SRRM4: variants seen among roughly 807,000 people sequenced by gnomAD.
The protein encoded by SRRM4 is serine/arginine repetitive matrix 4.
Under a neutral mutation model 68.9 loss-of-function variants are expected in SRRM4, and 33 were observed. The ratio of observed to expected loss-of-function variants is 0.48; its 90% CI spans 0.36 to 0.64. The LOEUF (loss-of-function observed/expected upper bound fraction) is 0.64, where lower values mean the gene tolerates loss of function less well. Among genes scored for constraint, SRRM4 ranks in the 30% least tolerant of loss-of-function variants. The pLI is 0.00. For synonymous variants in SRRM4, 318 were observed against 318.8 expected (o/e 1.00, Z 0.03); for missense variants, 817 against 827.1 (o/e 0.99, Z 0.15).
intron 8 of SRRM4, among the ~76,000 whole-genome samples, 193 bp from the exon 9 acceptor site, chr12:119,145,187 TA>T (rs371536458): frequency 4.1e-4 from 62 of 150,400 alleles, no homozygotes; most frequent in African/African-American, 1.1e-3. Flanking sequence ...TAGCAGGGGG[TA>T]AAAAAAAAAT....
chr12:118,986,847 A>G (rs972516421), intron 1 of SRRM4, among the ~76,000 whole-genome samples: 1 of 152,076 alleles, frequency 6.6e-6, no homozygotes, highest in African/African-American at 2.4e-5. Context: ...CCTGGGTCAC[A>G]TGCCTTCTTC....
chr12:119,134,710 T>G (rs546741142), intron 8 of SRRM4, among the ~76,000 whole-genome samples: 1 of 152,292 alleles, frequency 6.6e-6, no homozygotes, highest in African/African-American at 2.4e-5. Context: ...GCCAGCTTCC[T>G]CTGTGGTGGG....
intron 5 of SRRM4, 74 bp downstream of exon 5, chr12:119,120,350 GC>G (rs1278594415): frequency 4.0e-6 from 6 of 1,503,524 alleles, no homozygotes; most frequent in Admixed American, 2.1e-5. Context: ...TTCTAGGTCA[GC>G]CCTCAGTTTC....
intron 1 of SRRM4, among the ~76,000 whole-genome samples, chr12:119,087,955 T>C (rs535849884): frequency 6.6e-5 from 10 of 152,272 alleles, no homozygotes; most frequent in East Asian, 5.8e-4. Flanking sequence ...CTCAAGAGTT[T>C]ACTATGGGAC....
chr12:119,065,249 G>T (rs1338388644), intron 1 of SRRM4, among the ~76,000 whole-genome samples: 2 of 152,092 alleles, frequency 1.3e-5, no homozygotes, highest in Non-Finnish European at 2.9e-5. Context: ...TTCTCACATT[G>T]GTTGGGAACA....
chr12:119,024,003 C>CT (rs5801310), intron 1 of SRRM4, among the ~76,000 whole-genome samples: 22,253 of 152,194 alleles, frequency 0.15, 1,699 homozygotes, highest in East Asian at 0.26. Flanking sequence ...TCATTGTACT[C>CT]TTGGCTTTTC....
At chr12:119,040,271 A>G (rs1953658156) in intron 1 of SRRM4, among the ~76,000 whole-genome samples, 1 of 151,764 alleles carries the variant, frequency 6.6e-6, no homozygotes, top group Non-Finnish European at 1.5e-5. Context: ...TTTAGTGGTG[A>G]TTTGTGAGAT....
At chr12:118,998,679 A>T (rs1953364820) in intron 1 of SRRM4, among the ~76,000 whole-genome samples, 1 of 152,268 alleles carries the variant, frequency 6.6e-6, no homozygotes, top group African/African-American at 2.4e-5. Context: ...AGGCTAAAGA[A>T]GCTGGTCCAT....
At chr12:119,139,092 T>C (rs1317187016) in intron 8 of SRRM4, among the ~76,000 whole-genome samples, 1 of 152,078 alleles carries the variant, frequency 6.6e-6, no homozygotes. Flanking sequence ...TCTTCAAAGA[T>C]GAATTATGAG....
chr12:119,048,152 A>G (rs1012862942), intron 1 of SRRM4, among the ~76,000 whole-genome samples: 1 of 152,190 alleles, frequency 6.6e-6, no homozygotes, highest in African/African-American at 2.4e-5. Flanking sequence ...CCTGTGAAAC[A>G]AGAATTAGAA....
intron 1 of SRRM4, among the ~76,000 whole-genome samples, chr12:119,070,008 G>A (rs1341661687): frequency 1.3e-5 from 2 of 152,090 alleles, no homozygotes; most frequent in Admixed American, 1.3e-4. Context: ...TTAGGGGCCG[G>A]GGGCACTGCT....
chr12:119,109,100 TG>T (rs1954126273), intron 2 of SRRM4, among the ~76,000 whole-genome samples: 1 of 152,194 alleles, frequency 6.6e-6, no homozygotes, highest in Non-Finnish European at 1.5e-5. Flanking sequence ...TGGCTGGATA[TG>T]AAATTCTGGG....
At chr12:118,995,938 A>G (rs773609842) in intron 1 of SRRM4, among the ~76,000 whole-genome samples, 1 of 152,098 alleles carries the variant, frequency 6.6e-6, no homozygotes, top group African/African-American at 2.4e-5. Flanking sequence ...TCACCCATCC[A>G]TCTATTTTCC....
At chr12:119,112,941 A>G (rs532487608) in intron 2 of SRRM4, among the ~76,000 whole-genome samples, 1 of 152,276 alleles carries the variant, frequency 6.6e-6, no homozygotes, top group Non-Finnish European at 1.5e-5. Flanking sequence ...ACATCCTGCA[A>G]ATGTAGCCCG....
intron 8 of SRRM4, among the ~76,000 whole-genome samples, chr12:119,142,549 G>A (rs1000920421): frequency 1.4e-4 from 21 of 152,308 alleles, no homozygotes; most frequent in East Asian, 5.8e-4. Context: ...AATGAAATTC[G>A]TAGTCAAGAC....
chr12:119,030,610 C>T (rs1356178405), intron 1 of SRRM4, among the ~76,000 whole-genome samples: 3 of 152,252 alleles, frequency 2.0e-5, no homozygotes, highest in South Asian at 2.1e-4. Flanking sequence ...TATCTGCAGT[C>T]TTTTTCTCTA....
intron 3 of SRRM4, among the ~76,000 whole-genome samples, chr12:119,116,025 A>T (rs976295931): frequency 1.3e-5 from 2 of 150,728 alleles, no homozygotes; most frequent in South Asian, 4.2e-4. Flanking sequence ...TGAGAAGCAG[A>T]CTCCCCTCCA....
chr12:119,080,944 C>G (rs891101137), intron 1 of SRRM4, among the ~76,000 whole-genome samples: 2 of 152,216 alleles, frequency 1.3e-5, no homozygotes, highest in African/African-American at 2.4e-5. Flanking sequence ...AAGCCCCAAT[C>G]CGCACCTTTC....
intron 1 of SRRM4, among the ~76,000 whole-genome samples, chr12:119,005,935 C>T (rs1333491351): frequency 6.6e-6 from 1 of 152,176 alleles, no homozygotes; most frequent in African/African-American, 2.4e-5. Context: ...AGCTCTTAAC[C>T]TCTCTGAGTT....
Sources: allele counts gnomAD v4.1 joint callset (sites outside exome capture counted in the v4.1 genomes callset), GRCh38; gene constraint gnomAD v4.1.1; transcripts MANE v1.5; gene names NCBI Gene and HGNC (gene_info 2026-07-23, HGNC 2026-07-21).